Variants in WWOX observed in about 807,000 individuals in gnomAD.
WWOX encodes WW domain containing oxidoreductase, also known as WW domain-containing oxidoreductase.
Under a neutral mutation model 46.2 loss-of-function variants are expected in WWOX, and 69 were observed. The observed-to-expected ratio is 1.49, with a 90% CI of 1.23 to 1.82. WWOX has a LOEUF of 1.82. Among genes scored for constraint, WWOX ranks in the 40% most tolerant of loss-of-function variants. The probability of loss-of-function intolerance (pLI) is 0.00; values close to 1 mark genes in which losing one functional copy is unlikely to be tolerated. For synonymous variants in WWOX, 359 were observed against 202.6 expected, an observed-to-expected ratio of 1.77 and a Z score of -6.56; for missense variants, 919 against 542.6, an observed-to-expected ratio of 1.69 and a Z score of -6.89.
chr16:78,686,282 C>T (rs113425344), intron 8 of WWOX, among the ~76,000 whole-genome samples: 2,098 of 152,172 alleles, frequency 0.014, 15 homozygotes, highest in South Asian at 0.035. Flanking sequence ...GAGGCCGAGG[C>T]GGGCGGATCA....
At chr16:78,601,973 C>T (rs1187149548) in intron 8 of WWOX, among the ~76,000 whole-genome samples, 1 of 152,084 alleles carries the variant, frequency 6.6e-6, no homozygotes, top group African/African-American at 2.4e-5. Context: ...CAGTGTCTGT[C>T]TAACAATAAA....
chr16:78,231,310 C>A (rs1301300322), intron 5 of WWOX, among the ~76,000 whole-genome samples: 1 of 152,098 alleles, frequency 6.6e-6, no homozygotes, highest in Non-Finnish European at 1.5e-5. Context: ...TCACAGTGTC[C>A]ATAAAAAAAT....
At chr16:78,280,733 G>C (rs901644652) in intron 5 of WWOX, 3 of 152,130 alleles carry the variant, frequency 2.0e-5, no homozygotes, top group Middle Eastern at 6.3e-3. Context: ...CACTGCCAGC[G>C]CTCATTTAAT....
chr16:78,329,183 A>T (rs1439049667), intron 5 of WWOX, among the ~76,000 whole-genome samples: 1 of 152,180 alleles, frequency 6.6e-6, no homozygotes, highest in Non-Finnish European at 1.5e-5. Flanking sequence ...TTTAATTATC[A>T]TAAGAAACAG....
intron 5 of WWOX, among the ~76,000 whole-genome samples, chr16:78,276,090 C>A (rs2079572403): frequency 1.3e-5 from 2 of 152,200 alleles, no homozygotes; most frequent in South Asian, 2.1e-4. Flanking sequence ...GCTGCAGTTT[C>A]ATGATGGCAA....
chr16:78,881,556 C>T (rs937235463), intron 8 of WWOX, among the ~76,000 whole-genome samples: 1 of 152,156 alleles, frequency 6.6e-6, no homozygotes, highest in Admixed American at 6.5e-5. Flanking sequence ...AGTCTCTAAC[C>T]TCAAGGCAAT....
chr16:78,818,039 G>A (rs899256977), intron 8 of WWOX, among the ~76,000 whole-genome samples: 4 of 152,100 alleles, frequency 2.6e-5, no homozygotes, highest in Non-Finnish European at 4.4e-5. Flanking sequence ...GTCCAGCAAG[G>A]GTCTCAGTCA....
chr16:79,017,680 A>G (rs1051054840), intron 8 of WWOX, among the ~76,000 whole-genome samples: 1 of 151,774 alleles, frequency 6.6e-6, no homozygotes. Context: ...TTTGAATTCC[A>G]TATGTCATGA....
At chr16:78,543,640 C>G (rs1352511010) in intron 8 of WWOX, among the ~76,000 whole-genome samples, 1 of 152,180 alleles carries the variant, frequency 6.6e-6, no homozygotes, top group Non-Finnish European at 1.5e-5. Context: ...GGGCACTTCT[C>G]AATATTAAAC....
At chr16:79,020,105 A>T (rs773291900) in intron 8 of WWOX, among the ~76,000 whole-genome samples, 4 of 152,186 alleles carry the variant, frequency 2.6e-5, no homozygotes, top group African/African-American at 9.7e-5. Context: ...ACAATTGATG[A>T]ACAACTACTA....
intron 5 of WWOX, among the ~76,000 whole-genome samples, chr16:78,319,946 C>G (rs909829699): frequency 1.3e-5 from 2 of 152,198 alleles, no homozygotes; most frequent in East Asian, 1.9e-4. Flanking sequence ...CAACCCCTCT[C>G]TGAGCATCTA....
intron 8 of WWOX, among the ~76,000 whole-genome samples, chr16:78,845,657 T>C (rs556654885): frequency 1.3e-5 from 2 of 152,336 alleles, no homozygotes; most frequent in African/African-American, 2.4e-5. Context: ...CTCCAAGCTA[T>C]GATTAAGTAA....
rs534443365 is a variant in WWOX, at chr16:79,143,570, G to A, written c.1057-68038G>A. 6.8e-4 allele frequency among the ~76,000 whole-genome samples: 104 copies of A among 152,186 alleles called. 1 individual carries two copies. The South Asian group carries it at 7.1e-3, about 10-fold the overall frequency. On this transcript the variant is annotated intron_variant, in intron 8 of 8. Coordinates refer to ENST00000566780, the MANE Select transcript of WWOX (RefSeq NM_016373.4). ...ACATACCAATGATTTACTCAGATCC[G>A]TTAGAAAAAATAGTTTTAGGGATGA...
chr16:78,392,245 T>A (rs912852613), intron 6 of WWOX, among the ~76,000 whole-genome samples: 1 of 152,192 alleles, frequency 6.6e-6, no homozygotes, highest in East Asian at 1.9e-4. Flanking sequence ...AGCAACAGCA[T>A]TAGTCTCATA....
Position 78,893,369 on chromosome 16 carries a change from C to T in WWOX, c.1057-318239C>T, listed in dbSNP as rs1306431280. Among the ~76,000 whole-genome samples the T allele has an allele frequency of 2.6e-5, 4 of 152,284 alleles. No individual in the cohort carries two copies. In the East Asian group the frequency reaches 7.7e-4, roughly 29 times the overall value. ...ACATGGTTTGAATCCAAGAGGCTGT[C>T]ATACCAGGCTCCCCCATTCAGTATA... On this transcript the variant is annotated intron_variant, in intron 8 of 8. Coordinates refer to ENST00000566780, the MANE Select transcript of WWOX (RefSeq NM_016373.4).
intron 8 of WWOX, among the ~76,000 whole-genome samples, chr16:78,985,650 T>C (rs1334619000): frequency 6.6e-6 from 1 of 152,148 alleles, no homozygotes; most frequent in Non-Finnish European, 1.5e-5. Context: ...ATGCCTGTAG[T>C]CCCAGCTACT....
intron 8 of WWOX, among the ~76,000 whole-genome samples, chr16:79,053,751 C>G (rs1377153106): frequency 1.3e-5 from 2 of 152,208 alleles, no homozygotes; most frequent in African/African-American, 4.8e-5. Context: ...GAAGCTGTAC[C>G]TTAAGTTTAT....
At chr16:78,814,774 A>G (rs998193764) in intron 8 of WWOX, among the ~76,000 whole-genome samples, 1 of 152,222 alleles carries the variant, frequency 6.6e-6, no homozygotes, top group African/African-American at 2.4e-5. Context: ...CATTACAGCC[A>G]AGGCCTTCTG....
chr16:78,611,554 A>C (rs1247907746), intron 8 of WWOX, among the ~76,000 whole-genome samples: 2 of 152,186 alleles, frequency 1.3e-5, no homozygotes, highest in Non-Finnish European at 2.9e-5. Flanking sequence ...TATGGCCAGT[A>C]CTGCCCTAAG....
Sources: allele counts gnomAD v4.1 joint callset (sites outside exome capture counted in the v4.1 genomes callset), GRCh38; gene constraint gnomAD v4.1.1; transcripts MANE v1.5; gene names NCBI Gene and HGNC (gene_info 2026-07-23, HGNC 2026-07-21).